The following CHUK variants were observed in gnomAD, a reference collection of about 807,000 sequenced individuals.
The protein encoded by CHUK is component of inhibitor of nuclear factor kappa B kinase complex, also known as inhibitor of nuclear factor kappa-B kinase subunit alpha.
CHUK carries 35 observed loss-of-function variants against 104.8 expected under a neutral mutation model. That is an observed-to-expected ratio of 0.33 (90% CI 0.26 to 0.44). The LOEUF is 0.44. CHUK is among the 20% of genes least tolerant of loss of function. The pLI, the probability that CHUK is intolerant of heterozygous loss-of-function variation, is 1.00. For missense variants in CHUK, 663 were observed against 902.7 expected, an observed-to-expected ratio of 0.73 and a Z score of 3.40; for synonymous variants, 276 against 291.9, an observed-to-expected ratio of 0.95 and a Z score of 0.56.
chr10:100,205,800 C>T (rs1430935178), intron 11 of CHUK, among the ~76,000 whole-genome samples: 2 of 152,094 alleles, frequency 1.3e-5, no homozygotes, highest in African/African-American at 4.8e-5. Flanking sequence ...TGGTGGTGTG[C>T]ACCTATAATC....
chr10:100,204,585 C>T lies in CHUK; in HGVS notation c.1428G>A (p.Leu476=). The T allele has an allele frequency of 1.9e-6, 3 of 1,613,270 alleles. No individual in the cohort carries two copies. The highest frequency in any genetic ancestry group is 2.5e-6 in the Non-Finnish European group (3 of 1,179,376). Residue 476 remains leucine, a synonymous_variant, in exon 13 of 21, where the codon CTG becomes CTA. Coordinates refer to ENST00000370397, the MANE Select transcript of CHUK (RefSeq NM_001278.5). ...TGTGAAAAAACTCCAATTTAGCTTTCAGTTGTTGTGATGCTGAGATCAAAG... is the reference window on the plus strand; with the variant it reads ...TGTGAAAAAACTCCAATTTAGCTTTTAGTTGTTGTGATGCTGAGATCAAAG... ...KNTLISASQQ[L]KAKLEFFHKS...
Position 100,207,282 on chromosome 10 carries a change from TAC to T in CHUK, c.1177_1178del (p.Val393IlefsTer2), listed in dbSNP as rs2134225542. 6.3e-7 allele frequency: 1 copy of T among 1,578,626 alleles called. No individual in the cohort carries two copies. Among genetic ancestry groups the T allele is most frequent in the Non-Finnish European group, 8.7e-7 (1 of 1,148,632 alleles). ...MVYLFDKSKT[V>X]YEGPFASRSL... ...TTCTGGAAGCAAATGGCCCTTCATA[TAC>T]AGTTTTACTTTTATCAAACAAATAA... On this transcript the variant is annotated frameshift_variant, in exon 11 of 21. Transcript: ENST00000370397. LOFTEE classifies it high-confidence loss of function.
chr10:100,205,698 C>T (rs1040502243), intron 11 of CHUK, among the ~76,000 whole-genome samples: 1 of 152,152 alleles, frequency 6.6e-6, no homozygotes, highest in Non-Finnish European at 1.5e-5. Flanking sequence ...GAAGCCAAGG[C>T]GGGCAGATCC....
At chr10:100,225,869 G>A in intron 2 of CHUK, 54 bp downstream of exon 2, 1 of 992,704 alleles carries the variant, frequency 1.0e-6, no homozygotes, top group Non-Finnish European at 1.6e-6. Context: ...TCCCCATGAT[G>A]ACATCTGGTT....
chr10:100,217,415 A>C (rs2134241622), intron 9 of CHUK, among the ~76,000 whole-genome samples: 1 of 152,372 alleles, frequency 6.6e-6, no homozygotes, highest in Middle Eastern at 3.4e-3. Context: ...AATCAAATCC[A>C]GTATGACTAG....
chr10:100,195,709 CA>C (rs1304677554), intron 16 of CHUK: 1 of 152,174 alleles, frequency 6.6e-6, no homozygotes, highest in African/African-American at 2.4e-5. Context: ...CTAGAAAAGA[CA>C]ATAGAGGCCA....
At chr10:100,187,017 A>T (rs1845041322), downstream of CHUK, 1 of 152,202 alleles carries the variant, frequency 6.6e-6, no homozygotes. Context: ...GCCTATGAGA[A>T]TCTGATGCCA....
chr10:100,227,761 T>TA (rs560667072), intron 1 of CHUK, among the ~76,000 whole-genome samples: 3 of 152,320 alleles, frequency 2.0e-5, no homozygotes, highest in African/African-American at 7.2e-5. Flanking sequence ...TAAATATGCC[T>TA]ATTTTCCCAA....
rs763477360 is a variant in CHUK at position 100,222,917 on chromosome 10, A to G, written c.264T>C (p.His88=). The G allele has an allele frequency of 9.9e-6, 16 of 1,609,728 alleles. No homozygotes were observed. The Admixed American group carries it at 2.7e-4, about 27-fold the overall frequency. ...DVPEELNILI[H]DVPLLAMEYC... is the part of the protein sequence containing the mutation. ...ATTCCATTGCTAGAAGAGGCACATC[A>G]TGAATCAAAATATTCAATTCTTCAG... The change falls in exon 3 of 21, where the codon CAT becomes CAC. Residue 88 remains histidine (H), a synonymous_variant. Coordinates refer to ENST00000370397, the MANE Select transcript of CHUK (RefSeq NM_001278.5).
chr10:100,207,457 A>G (rs1412413880), intron 10 of CHUK, 125 bp from the exon 11 acceptor site: 1 of 634,162 alleles, frequency 1.6e-6, no homozygotes, highest in African/African-American at 1.8e-5. Flanking sequence ...GTGTATTACC[A>G]TATCTCTTAC....
At chr10:100,218,675 C>G (rs1451511465) in intron 8 of CHUK, 43 bp downstream of exon 8, 17 of 1,270,770 alleles carry the variant, frequency 1.3e-5, no homozygotes, top group Non-Finnish European at 2.0e-5. Context: ...CTTTACAACT[C>G]TGGAGAAACT....
intron 4 of CHUK, among the ~76,000 whole-genome samples, chr10:100,221,619 T>C (rs1029413581): frequency 6.6e-6 from 1 of 152,130 alleles, no homozygotes; most frequent in Non-Finnish European, 1.5e-5. Context: ...TAGCCACAAA[T>C]AAATAATAAA....
rs17880185 is a variant in CHUK at position 100,225,457 on chromosome 10, T to C, written c.200+466A>G. On this transcript the variant is annotated intron_variant, in intron 2 of 20. Coordinates refer to ENST00000370397, the MANE Select transcript of CHUK (RefSeq NM_001278.5). ...ATTCCTTTTTAAGGCTGCATGATAT[T>C]CCGTTTCATGAATATACCACATTTT... 3.0e-3 allele frequency among the ~76,000 whole-genome samples: 457 copies of C among 152,340 alleles called. 4 individuals are homozygous for C. The highest frequency in any genetic ancestry group is 0.011 in the African/African-American group (446 of 41,580).
At chr10:100,197,476 T>G (rs1437296838) in intron 16 of CHUK, among the ~76,000 whole-genome samples, 2 of 152,174 alleles carry the variant, frequency 1.3e-5, no homozygotes, top group Non-Finnish European at 2.9e-5. Context: ...ACTAGAAAAT[T>G]CTTGAGAACC....
chr10:100,193,857 T>C, intron 18 of CHUK, 127 bp downstream of exon 18: 5 of 807,178 alleles, frequency 6.2e-6, no homozygotes, highest in Admixed American at 2.0e-5. Flanking sequence ...GCAAGGAACA[T>C]GGATGTCATC....
rs565201091 is a variant in CHUK at position 100,229,280 on chromosome 10, T to C, written c.105+148A>G. On this transcript the variant is annotated intron_variant, in intron 1 of 20. Transcript: ENST00000370397. The stretch of plus-strand genomic sequence containing the variant: ...CACACAGGCATAGTATCTTTCTCTC[T>C]AATACACACACACAAGCCCACTGGC... 47 of 694,280 alleles carry C rather than the reference T, an allele frequency of 6.8e-5. 1 individual carries two copies. The South Asian group carries it at 7.1e-4, about 11-fold the overall frequency. 43.0% of individuals were successfully genotyped at this position (694,280 alleles called of 1,614,324 possible).
At chr10:100,218,594 A>G (rs1482792984) in intron 8 of CHUK, 124 bp downstream of exon 8, 1 of 733,418 alleles carries the variant, frequency 1.4e-6, no homozygotes, top group Non-Finnish European at 2.4e-6. Context: ...AGAAATATAG[A>G]AGGTTTCTAC....
chr10:100,207,407 C>T (rs536518021), intron 10 of CHUK, 75 bp from the exon 11 acceptor site: 39 of 753,610 alleles, frequency 5.2e-5, no homozygotes, highest in South Asian at 4.3e-4. Context: ...TACTTATGCA[C>T]CAGATTTCCT....
intron 14 of CHUK, among the ~76,000 whole-genome samples, 184 bp from the exon 15 acceptor site, chr10:100,200,964 T>TA (rs1845447856): frequency 6.6e-6 from 1 of 152,210 alleles, no homozygotes; most frequent in South Asian, 2.1e-4. Flanking sequence ...ATCTTTCACA[T>TA]AAGAACATAC....
Sources: allele counts gnomAD v4.1 joint callset (sites outside exome capture counted in the v4.1 genomes callset), GRCh38; gene constraint gnomAD v4.1.1; transcripts MANE v1.5; gene names NCBI Gene and HGNC (gene_info 2026-07-23, HGNC 2026-07-21).